HDAC9: variants seen among roughly 807,000 people sequenced by gnomAD.
HDAC9 encodes MEF-2 interacting transcription repressor (MITR) protein.
A neutral mutation model predicts 139.4 loss-of-function variants in HDAC9; 41 were observed. The ratio of observed to expected loss-of-function variants is 0.29; its 90% CI spans 0.23 to 0.38. The LOEUF is 0.38. Among genes scored for constraint, HDAC9 ranks in the 10% least tolerant of loss-of-function variants. The probability of loss-of-function intolerance (pLI) is 1.00; values close to 1 mark genes in which losing one functional copy is unlikely to be tolerated. For synonymous variants in HDAC9, 517 were observed against 476.2 expected (o/e 1.09, Z -1.12); for missense variants, 1,147 against 1,297.0 (o/e 0.88, Z 1.78).
chr7:18,595,500 T>C (rs1449303745), intron 6 of HDAC9, among the ~76,000 whole-genome samples: 1 of 152,104 alleles, frequency 6.6e-6, no homozygotes, highest in African/African-American at 2.4e-5. Context: ...TGACATTTAT[T>C]TGTGAGTAGC....
chr7:18,728,513 TG>T (rs1785752007), intron 13 of HDAC9, among the ~76,000 whole-genome samples: 1 of 152,150 alleles, frequency 6.6e-6, no homozygotes, highest in Non-Finnish European at 1.5e-5. Flanking sequence ...TATTTCTTTT[TG>T]TGTACTCTAC....
At chr7:18,975,775 T>G in intron 24 of HDAC9, 31 bp from the exon 25 acceptor site, 1 of 1,607,438 alleles carries the variant, frequency 6.2e-7, no homozygotes, top group South Asian at 1.1e-5. Flanking sequence ...TAATTACAAT[T>G]CTTATGAAGT....
intron 13 of HDAC9, among the ~76,000 whole-genome samples, chr7:18,732,981 GTA>G (rs1342947397): frequency 4.8e-5 from 7 of 144,536 alleles, no homozygotes; most frequent in South Asian, 2.1e-4. Context: ...ATACACATGT[GTA>G]TGTGTGTGTA....
intron 2 of HDAC9, among the ~76,000 whole-genome samples, chr7:18,207,539 C>CTTGTTTTTTTTTTTTTTT (rs1791615394): frequency 1.9e-5 from 1 of 53,738 alleles, no homozygotes; most frequent in Non-Finnish European, 3.1e-5. Context: ...CCCAAGGAGT[C>CTTGTTTTTTTTTTTTTTT]TTTTTTTTTT....
chr7:18,509,114 A>C (rs1474613433), intron 2 of HDAC9, among the ~76,000 whole-genome samples: 1 of 152,248 alleles, frequency 6.6e-6, no homozygotes, highest in Non-Finnish European at 1.5e-5. Context: ...AATAGGGAAC[A>C]ATGGTGGATA....
chr7:18,429,231 A>G (rs1204531376), intron 1 of HDAC9: 2 of 152,206 alleles, frequency 1.3e-5, no homozygotes, highest in Non-Finnish European at 2.9e-5. Flanking sequence ...CTACCATGAT[A>G]TGAATTAGGA....
chr7:18,872,656 G>C (rs1799018896), intron 21 of HDAC9, among the ~76,000 whole-genome samples: 1 of 152,112 alleles, frequency 6.6e-6, no homozygotes, highest in Non-Finnish European at 1.5e-5. Flanking sequence ...GATCATCTCT[G>C]TGTTTTCAGT....
chr7:18,457,107 T>C (rs924896173), intron 1 of HDAC9, among the ~76,000 whole-genome samples: 1 of 152,204 alleles, frequency 6.6e-6, no homozygotes, highest in South Asian at 2.1e-4. Context: ...CCAGGATTCC[T>C]TGGAGATACT....
chr7:18,417,239 TCTCATATATTGTAGTTTTCA>T (rs373792671), intron 1 of HDAC9, among the ~76,000 whole-genome samples: 1,647 of 152,316 alleles, frequency 0.011, 27 homozygotes, highest in African/African-American at 0.036. Flanking sequence ...TATATTTTAA[TCTCATATATTGTAGTTTTCA>T]CTCTAGAAGT....
chr7:18,251,344 C>T (rs1469259926), intron 2 of HDAC9, among the ~76,000 whole-genome samples: 1 of 152,002 alleles, frequency 6.6e-6, no homozygotes, highest in South Asian at 2.1e-4. Flanking sequence ...ACAGCACACA[C>T]TGGGGCCTGT....
intron 1 of HDAC9, among the ~76,000 whole-genome samples, chr7:18,428,515 G>C (rs1025935212): frequency 1.3e-5 from 2 of 152,186 alleles, no homozygotes; most frequent in African/African-American, 4.8e-5. Context: ...TATATGAAAA[G>C]ATGCTCTATG....
intron 1 of HDAC9, among the ~76,000 whole-genome samples, chr7:18,134,602 A>G (rs761452409): frequency 1.1e-4 from 17 of 152,204 alleles, no homozygotes; most frequent in Non-Finnish European, 1.9e-4. Context: ...GTAAGTTATC[A>G]ACATAGTGAA....
chr7:18,632,851 A>T (rs1419466250), intron 7 of HDAC9, among the ~76,000 whole-genome samples: 1 of 152,078 alleles, frequency 6.6e-6, no homozygotes, highest in Non-Finnish European at 1.5e-5. Flanking sequence ...TAGTGTAAAG[A>T]TCACATTAAA....
intron 12 of HDAC9, among the ~76,000 whole-genome samples, chr7:18,704,607 A>G (rs1169905349): frequency 1.3e-5 from 2 of 152,348 alleles, no homozygotes; most frequent in African/African-American, 4.8e-5. Flanking sequence ...TAGTACTTCA[A>G]AATGGGGACA....
At chr7:18,114,538 CA>C (rs1392898993) in intron 1 of HDAC9, among the ~76,000 whole-genome samples, 1 of 152,166 alleles carries the variant, frequency 6.6e-6, no homozygotes, top group Non-Finnish European at 1.5e-5. Flanking sequence ...AGGCCTGGGA[CA>C]AACTTTGTTG....
chr7:18,819,373 T>A (rs1209789917), intron 17 of HDAC9, among the ~76,000 whole-genome samples: 1 of 152,234 alleles, frequency 6.6e-6, no homozygotes, highest in African/African-American at 2.4e-5. Flanking sequence ...GCCCTTTATT[T>A]GCCTAGGCAG....
intron 1 of HDAC9, among the ~76,000 whole-genome samples, chr7:18,347,602 T>TA (rs1338681706): frequency 1.3e-5 from 2 of 152,124 alleles, no homozygotes; most frequent in Non-Finnish European, 2.9e-5. Flanking sequence ...TATTTTATCT[T>TA]ACGTTATTTT....
intron 2 of HDAC9, among the ~76,000 whole-genome samples, chr7:18,280,709 G>C (rs1219232381): frequency 2.0e-5 from 3 of 151,552 alleles, no homozygotes; most frequent in Non-Finnish European, 2.9e-5. Flanking sequence ...GTGACAGTGA[G>C]CCATGATTGT....
intron 1 of HDAC9, among the ~76,000 whole-genome samples, chr7:18,161,419 C>CT (rs1327699041): frequency 3.3e-5 from 5 of 152,252 alleles, no homozygotes; most frequent in Non-Finnish European, 7.4e-5. Flanking sequence ...GTTACAACAT[C>CT]TGTCTATAAA....
Sources: gnomAD v4.1 joint callset for allele counts (sites outside exome capture counted in the v4.1 genomes callset) on GRCh38, gnomAD v4.1.1 for gene constraint, MANE v1.5 for transcripts, NCBI Gene and HGNC (gene_info 2026-07-23, HGNC 2026-07-21) for gene names.